The following ASIC2 variants were observed in gnomAD, a reference collection of about 807,000 sequenced individuals.
The protein encoded by ASIC2 is acid sensing ion channel subunit 2.
In ASIC2, 25 loss-of-function variants were observed where a neutral mutation model predicts 57.3. The ratio of observed to expected loss-of-function variants is 0.44; its 90% CI spans 0.32 to 0.61. The LOEUF (loss-of-function observed/expected upper bound fraction) is 0.61, where lower values mean the gene tolerates loss of function less well. ASIC2 is among the 20% of genes least tolerant of loss of function. The pLI is 0.06. For synonymous variants in ASIC2, 319 were observed against 307.5 expected, an observed-to-expected ratio of 1.04 and a Z score of -0.39; for missense variants, 641 against 738.1, an observed-to-expected ratio of 0.87 and a Z score of 1.52.
chr17:33,545,928 C>T (rs1443335954), intron 1 of ASIC2, among the ~76,000 whole-genome samples: 1 of 152,092 alleles, frequency 6.6e-6, no homozygotes, highest in East Asian at 1.9e-4. Flanking sequence ...TGGTGTTCTC[C>T]AAACGTGCCT....
intron 1 of ASIC2, among the ~76,000 whole-genome samples, chr17:33,995,150 C>A (rs1216367268): frequency 1.3e-5 from 2 of 152,162 alleles, no homozygotes; most frequent in African/African-American, 4.8e-5. Context: ...GACAGTAACA[C>A]CAACAGCTCC....
At chr17:33,128,064 C>T (rs2092330999) in intron 1 of ASIC2, among the ~76,000 whole-genome samples, 1 of 152,322 alleles carries the variant, frequency 6.6e-6, no homozygotes, top group East Asian at 1.9e-4. Context: ...CATGTCCCTG[C>T]CTTCATTGAG....
intron 1 of ASIC2, among the ~76,000 whole-genome samples, chr17:33,579,010 G>C (rs1016879625): frequency 6.6e-6 from 1 of 152,140 alleles, no homozygotes; most frequent in Admixed American, 6.5e-5. Context: ...TAATGGTCAG[G>C]TGCGCTGTCT....
At chr17:33,934,727 C>T (rs1259141279) in intron 1 of ASIC2, among the ~76,000 whole-genome samples, 1 of 152,224 alleles carries the variant, frequency 6.6e-6, no homozygotes, top group Non-Finnish European at 1.5e-5. Flanking sequence ...ATCATCATCT[C>T]ATGCTTTCTT....
At chr17:33,889,748 T>G (rs1417782545) in intron 1 of ASIC2, among the ~76,000 whole-genome samples, 1 of 152,204 alleles carries the variant, frequency 6.6e-6, no homozygotes, top group East Asian at 1.9e-4. Flanking sequence ...CCAGTGCAGA[T>G]GCAAAGAGGC....
chr17:33,438,708 C>T (rs1265298641), intron 1 of ASIC2, among the ~76,000 whole-genome samples: 1 of 152,064 alleles, frequency 6.6e-6, no homozygotes, highest in Non-Finnish European at 1.5e-5. Context: ...AAAAGCTGAA[C>T]AGGACAATTA....
intron 1 of ASIC2, among the ~76,000 whole-genome samples, chr17:33,244,206 C>A (rs994037243): frequency 8.6e-5 from 13 of 151,890 alleles, no homozygotes; most frequent in Non-Finnish European, 1.5e-5. Context: ...AGGTCAAATA[C>A]TTCAAGATAT....
chr17:33,239,656 G>A (rs1439699766), intron 1 of ASIC2, among the ~76,000 whole-genome samples: 1 of 152,184 alleles, frequency 6.6e-6, no homozygotes. Context: ...CTCAGTGAGT[G>A]TTATTAGCCT....
intron 1 of ASIC2, among the ~76,000 whole-genome samples, chr17:33,653,191 G>A (rs893003430): frequency 9.2e-5 from 14 of 152,140 alleles, no homozygotes; most frequent in African/African-American, 3.4e-4. Flanking sequence ...TCCAGATAGC[G>A]GAGAAGAGCT....
intron 1 of ASIC2, among the ~76,000 whole-genome samples, chr17:33,573,767 C>T (rs764861231): frequency 6.6e-6 from 1 of 152,052 alleles, no homozygotes; most frequent in Non-Finnish European, 1.5e-5. Context: ...GGTTTTGCCA[C>T]GTTGGCCAGG....
chr17:33,197,853 AG>A (rs994508192), intron 1 of ASIC2, among the ~76,000 whole-genome samples: 13 of 152,140 alleles, frequency 8.5e-5, no homozygotes, highest in African/African-American at 2.9e-4. Flanking sequence ...CTATTTTTCA[AG>A]CAGAATGATA....
Position 33,031,357 on chromosome 17 carries a change from A to G in ASIC2, c.988-2965T>C, listed in dbSNP as rs1460278532. ...TTTAATGTCTGTAGGATTTACAGTT[A>G]TGTCTTTTCATGTCTGATTACTGGT... On this transcript the variant is annotated intron_variant, in intron 3 of 9. Coordinates refer to ENST00000225823, the MANE Select transcript of ASIC2 (RefSeq NM_183377.2). Among the ~76,000 whole-genome samples the G allele has an allele frequency of 3.3e-5, 5 of 152,178 alleles. No homozygotes were observed. In the South Asian group the frequency reaches 8.3e-4, roughly 25 times the overall value.
chr17:33,456,995 T>C (rs1480808963), intron 1 of ASIC2, among the ~76,000 whole-genome samples: 1 of 152,188 alleles, frequency 6.6e-6, no homozygotes, highest in Non-Finnish European at 1.5e-5. Flanking sequence ...GCTTCAATCC[T>C]GGGCTCCCTG....
chr17:33,137,838 C>T (rs2092372170), intron 1 of ASIC2, among the ~76,000 whole-genome samples: 3 of 152,180 alleles, frequency 2.0e-5, no homozygotes, highest in Non-Finnish European at 2.9e-5. Context: ...GTACAAAATC[C>T]CTCCACAGAT....
chr17:33,438,458 A>C (rs766372483), intron 1 of ASIC2, among the ~76,000 whole-genome samples: 3 of 152,178 alleles, frequency 2.0e-5, no homozygotes, highest in Admixed American at 1.3e-4. Flanking sequence ...CCAACTTGCA[A>C]ATTTTCTTCT....
intron 1 of ASIC2, among the ~76,000 whole-genome samples, chr17:33,688,011 A>C (rs545540549): frequency 6.6e-6 from 1 of 152,320 alleles, no homozygotes; most frequent in South Asian, 2.1e-4. Flanking sequence ...TCAGTGCTGC[A>C]TCAATCTCAC....
chr17:33,058,470 C>A (rs1456460772), intron 3 of ASIC2, among the ~76,000 whole-genome samples: 162 of 109,592 alleles, frequency 1.5e-3, no homozygotes, highest in African/African-American at 1.9e-3. Flanking sequence ...TCTGAGAAGT[C>A]AAAAAAAAAA....
chr17:33,394,769 A>G (rs1163257392), intron 1 of ASIC2, among the ~76,000 whole-genome samples: 1 of 152,152 alleles, frequency 6.6e-6, no homozygotes, highest in Non-Finnish European at 1.5e-5. Flanking sequence ...GCTTGCAGCA[A>G]TGTCTTAAAT....
chr17:33,520,547 A>G (rs1284854443), intron 1 of ASIC2, among the ~76,000 whole-genome samples: 2 of 152,276 alleles, frequency 1.3e-5, no homozygotes, highest in East Asian at 3.9e-4. Context: ...CAGTCGTATT[A>G]ATTTGGTGCC....
Sources: allele counts gnomAD v4.1 joint callset (sites outside exome capture counted in the v4.1 genomes callset), GRCh38; gene constraint gnomAD v4.1.1; transcripts MANE v1.5; gene names NCBI Gene and HGNC (gene_info 2026-07-23, HGNC 2026-07-21).